MICALL2: variants seen among roughly 807,000 people sequenced by gnomAD.
The protein encoded by MICALL2 is MICAL-like protein 2.
In MICALL2, 111 loss-of-function variants were observed where a neutral mutation model predicts 91.1. The ratio of observed to expected loss-of-function variants is 1.22; its 90% CI spans 1.04 to 1.43. The LOEUF (loss-of-function observed/expected upper bound fraction) is 1.43, where lower values mean the gene tolerates loss of function less well. Among genes scored for constraint, MICALL2 ranks in the 40% most tolerant of loss-of-function variants. The pLI, the probability that MICALL2 is intolerant of heterozygous loss-of-function variation, is 0.00. For missense variants in MICALL2, 1,556 were observed against 1,236.0 expected (o/e 1.26, Z -3.88); for synonymous variants, 694 against 525.3 (o/e 1.32, Z -4.39).
intron 15 of MICALL2, among the ~76,000 whole-genome samples, chr7:1,436,396 A>C (rs909787753): frequency 6.7e-6 from 1 of 149,942 alleles, no homozygotes; most frequent in Non-Finnish European, 1.5e-5. Context: ...AAAAACAAAA[A>C]CAAAAAATTA....
intron 5 of MICALL2, among the ~76,000 whole-genome samples, chr7:1,446,120 G>C (rs922835959): frequency 2.4e-5 from 3 of 127,010 alleles, no homozygotes; most frequent in Non-Finnish European, 5.0e-5. Context: ...AGAACATCTT[G>C]GGCTATCAGC....
intron 13 of MICALL2, 40 bp downstream of exon 13, chr7:1,437,850 G>C: frequency 6.6e-7 from 1 of 1,525,870 alleles, no homozygotes; most frequent in African/African-American, 1.4e-5. Flanking sequence ...CCGCAACGAG[G>C]TCCTGGCCTT....
Position 1,444,663 on chromosome 7 carries a change from C to T in MICALL2, c.1407G>A (p.Pro469=), listed in dbSNP as rs763855855. 9.9e-6 allele frequency: 16 copies of T among 1,610,312 alleles called. No homozygotes were observed. The highest frequency in any genetic ancestry group is 3.3e-5 in the South Asian group (3 of 91,036). The part of the protein sequence containing the change: ...ALSALEEAGA[P]APGRPSPATA... ...CCCCACGCGCTCACCTGCCAGGCGC[C>T]GGAGCGCCAGCCTCTTCCAGCGCTG... Residue 469 remains proline, a synonymous_variant, in exon 6 of 17, where the codon CCG becomes CCA. Coordinates refer to ENST00000297508, the MANE Select transcript of MICALL2 (RefSeq NM_182924.4).
intron 15 of MICALL2, among the ~76,000 whole-genome samples, chr7:1,435,411 G>T (rs1779919941): frequency 6.6e-6 from 1 of 152,122 alleles, no homozygotes; most frequent in East Asian, 1.9e-4. Context: ...GGGACAGAAG[G>T]GCCTGGGCCG....
At chr7:1,439,127 A>G in intron 9 of MICALL2, 132 bp from the exon 10 acceptor site, 2 of 730,802 alleles carry the variant, frequency 2.7e-6, no homozygotes, top group Non-Finnish European at 4.4e-6. Flanking sequence ...CGACTGGCAC[A>G]GGGTTGGCAT....
At chr7:1,445,553 C>G in intron 5 of MICALL2, 125 bp from the exon 6 acceptor site, 1 of 871,544 alleles carries the variant, frequency 1.1e-6, no homozygotes, top group Non-Finnish European at 1.7e-6. Flanking sequence ...TGAACGCCCG[C>G]CCCGCCACGC....
At position 1,451,758 on chromosome 7, in the gene MICALL2, G is replaced by A. The variant is rs1780837678; in HGVS notation, c.144-1470C>T. Among the ~76,000 whole-genome samples the A allele has an allele frequency of 6.6e-6, 1 of 152,240 alleles. No homozygotes were observed. The highest frequency in any genetic ancestry group is 1.5e-5 in the Non-Finnish European group (1 of 68,040). ...GCTCCTGGTGGCGAATCTGACGGCC[G>A]TAGCTGCAGCAAACAGGAAGGCTGG... On this transcript the variant is annotated intron_variant, in intron 1 of 16. Transcript: ENST00000297508. This position sits in a 1 kb window ranked among gnomAD's most constrained non-coding sequence, Gnocchi z 4.5.
At chr7:1,437,000 A>G in intron 14 of MICALL2, 144 bp from the exon 15 acceptor site, 2 of 549,496 alleles carry the variant, frequency 3.6e-6, no homozygotes, top group Non-Finnish European at 6.2e-6. Flanking sequence ...AGAATGAATG[A>G]GTGAATAAGT....
At chr7:1,442,815 G>A (rs1417492728) in intron 6 of MICALL2, among the ~76,000 whole-genome samples, 1 of 152,202 alleles carries the variant, frequency 6.6e-6, no homozygotes, top group Non-Finnish European at 1.5e-5. Context: ...AGTGTTGGCT[G>A]AGATTAAAAT....
At chr7:1,435,746 GAAGTTC>G (rs936487312) in intron 15 of MICALL2, among the ~76,000 whole-genome samples, 1 of 152,224 alleles carries the variant, frequency 6.6e-6, no homozygotes, top group Non-Finnish European at 1.5e-5. Context: ...CGTGGCCTTG[GAAGTTC>G]AAGTTAAAAA....
At chr7:1,455,705 G>A (rs1484985712) in intron 1 of MICALL2, among the ~76,000 whole-genome samples, 1 of 151,906 alleles carries the variant, frequency 6.6e-6, no homozygotes, top group Non-Finnish European at 1.5e-5. Flanking sequence ...CCTGGCGCCC[G>A]AGCTGGTTCC....
At chr7:1,435,793 A>G (rs1043730454) in intron 15 of MICALL2, among the ~76,000 whole-genome samples, 27 of 152,292 alleles carry the variant, frequency 1.8e-4, no homozygotes, top group Non-Finnish European at 2.5e-4. Flanking sequence ...GGTGGCTCAC[A>G]CCTGTAATCC....
chr7:1,459,005 C>T (rs980858458), intron 1 of MICALL2, among the ~76,000 whole-genome samples, 179 bp downstream of exon 1: 3 of 152,186 alleles, frequency 2.0e-5, no homozygotes, highest in African/African-American at 7.2e-5. Flanking sequence ...CAGCTGCATT[C>T]GGTGTCCGGG....
chr7:1,445,475 C>T (rs967182836), intron 5 of MICALL2, 47 bp from the exon 6 acceptor site: 12 of 1,437,128 alleles, frequency 8.3e-6, no homozygotes, highest in Admixed American at 5.2e-5. Context: ...CCGCCCACCC[C>T]GCCACGCATT....
At chr7:1,444,246 G>A (rs1368635571) in intron 6 of MICALL2, among the ~76,000 whole-genome samples, 3 of 140,978 alleles carry the variant, frequency 2.1e-5, no homozygotes, top group South Asian at 4.5e-4. Context: ...ACCCGCCAGC[G>A]TGGGTCCCGC....
At chr7:1,447,433 C>T in intron 4 of MICALL2, 142 bp downstream of exon 4, 1 of 579,112 alleles carries the variant, frequency 1.7e-6, no homozygotes, top group Non-Finnish European at 3.0e-6. Flanking sequence ...GCGGCTCTTG[C>T]TAAGGCTGAG....
intron 7 of MICALL2, chr7:1,441,980 C>T (rs1435392966): frequency 1.6e-6 from 1 of 619,636 alleles, no homozygotes; most frequent in Non-Finnish European, 2.8e-6. Flanking sequence ...TGCCGGCAAA[C>T]AGCATAGCCC....
rs1780871073 is a variant in MICALL2, at chr7:1,452,503, T to C, written c.144-2215A>G. On this transcript the variant is annotated intron_variant, in intron 1 of 16. Transcript: ENST00000297508. This position sits in a 1 kb window ranked among gnomAD's most constrained non-coding sequence, Gnocchi z 6.2. ...CTAGGGTCACTGACCAAAGCGGCCA[T>C]GTCCCCGGAAAGAATGCCCGGACGG... is the stretch of plus-strand genomic sequence containing the variant. 6.6e-6 allele frequency among the ~76,000 whole-genome samples: 1 copy of C among 152,000 alleles called. No individual in the cohort carries two copies. The highest frequency in any genetic ancestry group is 1.5e-5 in the Non-Finnish European group (1 of 68,006).
chr7:1,435,825 C>T lies in MICALL2; in HGVS notation c.2592-678G>A, dbSNP rs377406201. Among the ~76,000 whole-genome samples the T allele has an allele frequency of 4.7e-4, 71 of 151,556 alleles. No individual in the cohort carries two copies. The East Asian group carries it at 9.0e-3, about 19-fold the overall frequency. ...ATCCCAGCACTTTGGGAGGCTGAGG[C>T]GGGCGGATCACGAGGTCAGATCGAG... On this transcript the variant is annotated intron_variant, in intron 15 of 16. Transcript: ENST00000297508.
Sources: allele counts gnomAD v4.1 joint callset (sites outside exome capture counted in the v4.1 genomes callset), GRCh38; gene constraint gnomAD v4.1.1; non-coding constraint Gnocchi (gnomAD v3.1); transcripts MANE v1.5; gene names NCBI Gene and HGNC (gene_info 2026-07-23, HGNC 2026-07-21).